Variants in SLC6A20 observed in about 807,000 individuals in gnomAD.
SLC6A20 encodes the protein solute carrier family 6 member 20.
In SLC6A20, 73 loss-of-function variants were observed where a neutral mutation model predicts 64.3. The ratio of observed to expected loss-of-function variants is 1.14; its 90% confidence interval spans 0.94 to 1.38. SLC6A20 has a LOEUF of 1.38. Ranked by LOEUF, SLC6A20 falls within the 40% of genes most tolerant of loss-of-function variation. The pLI, the probability that SLC6A20 is intolerant of heterozygous loss-of-function variation, is 0.00. For synonymous variants in SLC6A20, 347 were observed against 329.6 expected, an observed-to-expected ratio of 1.05 and a Z score of -0.57; for missense variants, 725 against 772.8, an observed-to-expected ratio of 0.94 and a Z score of 0.73.
chr3:45,761,978 C>T (rs1303001439), intron 9 of SLC6A20, among the ~76,000 whole-genome samples: 1 of 152,166 alleles, frequency 6.6e-6, no homozygotes, highest in Non-Finnish European at 1.5e-5. Flanking sequence ...CCCTCCCCAC[C>T]CTGAACCAGC....
At position 45,782,237 on chromosome 3, in the gene SLC6A20, G is replaced by A. The variant is rs377468734; in HGVS notation, c.122-14C>T. Reference sequence around the variant, plus strand: ...CCAGGAAACTACCTGTGGATGTCCAGAGCTGAGAGCCAGGCCACCACCAAA... The same window carrying A: ...CCAGGAAACTACCTGTGGATGTCCAAAGCTGAGAGCCAGGCCACCACCAAA... On this transcript the variant is annotated splice_polypyrimidine_tract_variant and intron_variant, in intron 1 of 10. Coordinates refer to ENST00000358525, the MANE Select transcript of SLC6A20 (RefSeq NM_020208.4). 1 of 1,606,020 alleles carries A rather than the reference G, an allele frequency of 6.2e-7. No individual in the cohort carries two copies. The highest frequency in any genetic ancestry group is 1.3e-5 in the African/African-American group (1 of 74,680).
chr3:45,759,778 C>G, intron 10 of SLC6A20, 79 bp downstream of exon 10: 1 of 1,495,560 alleles, frequency 6.7e-7, no homozygotes, highest in Non-Finnish European at 9.0e-7. Flanking sequence ...AAATAGTCCC[C>G]TGGTTTCGGA....
Position 45,782,188 on chromosome 3 carries a change from C to A in SLC6A20, c.157G>T (p.Val53Leu), listed in dbSNP as rs371916242. The A allele has an allele frequency of 2.4e-5, 38 of 1,613,902 alleles. No homozygotes were observed. Among genetic ancestry groups the A allele is most frequent in the Non-Finnish European group, 3.1e-5 (37 of 1,179,868 alleles). Reference protein sequence around the residue: ...FLVPYIIMLIVEGMPLLYLEL... With the variant: ...FLVPYIIMLILEGMPLLYLEL... ...AGGTACAAGAGCGGCATTCCCTCCA[C>A]GATAAGCATGATGATGTAGGGGACC... Residue 53 changes from valine (V) to leucine (L), a missense_variant, in exon 2 of 11, where the codon GTG (valine) becomes TTG (leucine). Coordinates refer to ENST00000358525, the MANE Select transcript of SLC6A20 (RefSeq NM_020208.4).
chr3:45,775,635 C>T lies in SLC6A20; in HGVS notation c.582+126G>A, dbSNP rs1020482456. 5.8e-6 allele frequency: 5 copies of T among 856,938 alleles called. No individual in the cohort carries two copies. In the African/African-American group the frequency reaches 6.8e-5, roughly 12 times the overall value. The allele number at this position is 856,938 out of a possible 1,614,324, so 53.1% of individuals were successfully genotyped here. On this transcript the variant is annotated intron_variant, in intron 4 of 10. Coordinates refer to ENST00000358525, the MANE Select transcript of SLC6A20 (RefSeq NM_020208.4). ...ATCTGTGCCCTCTGCCCTAACATAG[C>T]TGCTGCCTTTCCACTGCAGAGGGCA...
Position 45,771,440 on chromosome 3 carries a change from G to A in SLC6A20, c.712C>T (p.Pro238Ser). 1 of 1,614,232 alleles carries A rather than the reference G, an allele frequency of 6.2e-7. No individual in the cohort carries two copies. The highest frequency in any genetic ancestry group is 8.5e-7 in the Non-Finnish European group (1 of 1,180,034). Residue 238 changes from proline (P) to serine (S), a missense_variant, in exon 6 of 11, where the codon CCC becomes TCC. Transcript: ENST00000358525. ...GTGGCTGCATTGATCCAGGCCTTGG[G>A]GTTGGCCAGCTGCTCTATCTGGAAG... is the stretch of plus-strand genomic sequence containing the variant. ...FTPKIEQLAN[P>S]KAWINAATQI...
In SLC6A20 at chr3:45,765,993, GC is replaced by G. The variant is rs1699770540; in HGVS notation, c.1099-253del. Reference sequence around the variant, plus strand: ...CTGCAACACTGAGTTCCCCTCTCCTGCCCCAACTTACGTACATTCTGGATGA... The same window carrying G: ...CTGCAACACTGAGTTCCCCTCTCCTGCCCAACTTACGTACATTCTGGATGA... On this transcript the variant is annotated intron_variant, in intron 7 of 10. Transcript: ENST00000358525. The surrounding 1 kb of genome is among the most constrained non-coding windows in gnomAD (Gnocchi z 4.2). 6.6e-6 allele frequency among the ~76,000 whole-genome samples: 1 copy of G among 152,200 alleles called. No homozygotes were observed. Among genetic ancestry groups the G allele is most frequent in the South Asian group, 2.1e-4 (1 of 4,832 alleles).
At chr3:45,779,334 T>C (rs184697798) in intron 3 of SLC6A20, among the ~76,000 whole-genome samples, 2 of 152,330 alleles carry the variant, frequency 1.3e-5, no homozygotes, top group Admixed American at 1.3e-4. Context: ...CCTCTTGTCC[T>C]GAATGTACAC....
chr3:45,760,420 C>T (rs9864354), intron 9 of SLC6A20, among the ~76,000 whole-genome samples: 21,549 of 151,768 alleles, frequency 0.14, 1,550 homozygotes, highest in Admixed American at 0.16. Flanking sequence ...GCCCACCCCC[C>T]TACCCAGCCC....
chr3:45,785,367 AT>A (rs1700153233), intron 1 of SLC6A20, among the ~76,000 whole-genome samples: 1 of 152,168 alleles, frequency 6.6e-6, no homozygotes, highest in African/African-American at 2.4e-5. Flanking sequence ...CCCACCCTTA[AT>A]CTGGTGGACC....
chr3:45,794,056 C>A (rs1323145289), intron 1 of SLC6A20, among the ~76,000 whole-genome samples: 2 of 152,202 alleles, frequency 1.3e-5, no homozygotes, highest in Non-Finnish European at 2.9e-5. Flanking sequence ...GAACAATGTG[C>A]AGTTCTTCTG....
rs1166262388 is a variant in SLC6A20 at position 45,759,122 on chromosome 3, C to A, written c.1635G>T (p.Gln545His). ...KYQAWDASQGQLVTKDYPAYA... is the reference protein window; with the variant it reads ...KYQAWDASQGHLVTKDYPAYA... ...AGGCCGGGTAATCTTTGGTCACGAGCTGGCCCTGAAAGGAGAGACTGAGTG... is the reference window on the plus strand; with the variant it reads ...AGGCCGGGTAATCTTTGGTCACGAGATGGCCCTGAAAGGAGAGACTGAGTG... The change falls in exon 11 of 11, where the codon CAG becomes CAT. Residue 545 changes from glutamine to histidine, a missense_variant. By Grantham distance (24) the Gln-to-His change is conservative. Transcript: ENST00000358525. 6.2e-7 allele frequency: 1 copy of A among 1,609,682 alleles called. No homozygotes were observed. Among genetic ancestry groups the A allele is most frequent in the Non-Finnish European group, 8.5e-7 (1 of 1,178,530 alleles).
At chr3:45,760,067 G>A (rs759706202) in intron 9 of SLC6A20, 45 bp from the exon 10 acceptor site, 36 of 1,574,904 alleles carry the variant, frequency 2.3e-5, no homozygotes, top group East Asian at 4.5e-5. Context: ...ACCAGGCTGC[G>A]GAGGTCAGGG....
chr3:45,794,655 A>G (rs1026044545), intron 1 of SLC6A20, among the ~76,000 whole-genome samples: 5 of 152,164 alleles, frequency 3.3e-5, no homozygotes, highest in African/African-American at 1.2e-4. Context: ...CAGACTATTC[A>G]GGTGATGGTG....
At chr3:45,767,045 G>A (rs1699789156) in intron 7 of SLC6A20, among the ~76,000 whole-genome samples, 2 of 152,212 alleles carry the variant, frequency 1.3e-5, no homozygotes, top group African/African-American at 4.8e-5. Flanking sequence ...ATGGCAGGCT[G>A]CACTGACTAA....
At position 45,767,915 on chromosome 3, in the gene SLC6A20, C is replaced by T. The variant is rs141451804; in HGVS notation, c.1099-2174G>A. Among the ~76,000 whole-genome samples, 482 of 152,248 alleles carry T rather than the reference C, an allele frequency of 3.2e-3. 5 individuals carry two copies. The highest frequency in any genetic ancestry group is 0.011 in the African/African-American group (442 of 41,548). On this transcript the variant is annotated intron_variant, in intron 7 of 10. Transcript: ENST00000358525. The stretch of plus-strand genomic sequence containing the variant: ...ATTGTTAACCTGGAATTTTCTACTC[C>T]GAGGAACAATGTCTTTAAAAGATAG...
At chr3:45,776,013 C>G (rs1699960728) in intron 3 of SLC6A20, 25 bp from the exon 4 acceptor site, 1 of 1,610,052 alleles carries the variant, frequency 6.2e-7, no homozygotes, top group East Asian at 2.2e-5. Flanking sequence ...CAAGTGTTAT[C>G]CAGGGAGGTG....
Position 45,765,393 on chromosome 3 carries a change from G to A in SLC6A20, c.1303+144C>T, listed in dbSNP as rs1699757431. 6.1e-6 allele frequency: 5 copies of A among 814,126 alleles called. No homozygotes were observed. The highest frequency in any genetic ancestry group is 9.6e-6 in the Non-Finnish European group (5 of 518,538). The allele number at this position is 814,126 out of a possible 1,614,324, so 50.4% of individuals were successfully genotyped here. A position where few individuals can be genotyped will look rare whatever the true frequency, so the allele number is the denominator to read the frequency against. On this transcript the variant is annotated intron_variant, in intron 8 of 10. Coordinates refer to ENST00000358525, the MANE Select transcript of SLC6A20 (RefSeq NM_020208.4). The surrounding 1 kb of genome is among the most constrained non-coding windows in gnomAD (Gnocchi z 4.2). ...TGGCCCAGGTCCCAGGTTGTGAGAA[G>A]ACATGGCAGGACCGTGGTGAGGTGG...
intron 10 of SLC6A20, 36 bp downstream of exon 10, chr3:45,759,819 TGG>T: frequency 6.3e-7 from 1 of 1,577,590 alleles, no homozygotes; most frequent in Non-Finnish European, 8.6e-7. Context: ...TCAGTGGCCA[TGG>T]GGGCCCAGCG....
At chr3:45,785,308 T>G (rs1238971013) in intron 1 of SLC6A20, among the ~76,000 whole-genome samples, 1 of 152,068 alleles carries the variant, frequency 6.6e-6, no homozygotes, top group African/African-American at 2.4e-5. Context: ...TCTGTGAGGG[T>G]GTTGCCAAAG....
Sources: gnomAD v4.1 joint callset for allele counts (sites outside exome capture counted in the v4.1 genomes callset) on GRCh38, gnomAD v4.1.1 for gene constraint, Gnocchi (gnomAD v3.1) non-coding constraint, MANE v1.5 for transcripts, NCBI Gene and HGNC (gene_info 2026-07-23, HGNC 2026-07-21) for gene names.